STXBP5L: variants seen among roughly 807,000 people sequenced by gnomAD.
The protein encoded by STXBP5L is syntaxin binding protein 5L, also known as syntaxin-binding protein 5-like.
STXBP5L carries 65 observed loss-of-function variants against 144.5 expected under a neutral mutation model. The ratio of observed to expected loss-of-function variants is 0.45; its 90% CI spans 0.37 to 0.55. The LOEUF (loss-of-function observed/expected upper bound fraction) is 0.55. STXBP5L is among the 20% of genes least tolerant of loss of function. The probability of loss-of-function intolerance (pLI) is 0.00; values close to 1 mark genes in which losing one functional copy is unlikely to be tolerated. For missense variants in STXBP5L, 1,298 were observed against 1,405.5 expected (o/e 0.92, Z 1.22); for synonymous variants, 505 against 469.6 (o/e 1.08, Z -0.97).
intron 5 of STXBP5L, among the ~76,000 whole-genome samples, chr3:121,068,946 TAGTAC>T (rs2041676661): frequency 6.6e-6 from 1 of 152,176 alleles, no homozygotes; most frequent in Non-Finnish European, 1.5e-5. Context: ...GTTGCAAAAC[TAGTAC>T]AGAGGTTTTA....
intron 22 of STXBP5L, among the ~76,000 whole-genome samples, chr3:121,388,608 G>A (rs1264898495): frequency 6.6e-6 from 1 of 152,160 alleles, no homozygotes; most frequent in Admixed American, 6.5e-5. Context: ...CTGAAGAGCT[G>A]TTGAATTTTG....
chr3:120,928,639 AGTGTGTGTGTGT>A (rs71133519), intron 2 of STXBP5L, among the ~76,000 whole-genome samples: 111 of 147,260 alleles, frequency 7.5e-4, no homozygotes, highest in African/African-American at 2.1e-3. Context: ...TGGTATACAG[AGTGTGTGTGTGT>A]GTGTGTGTGT....
At chr3:121,164,525 C>T (rs77479076) in intron 9 of STXBP5L, among the ~76,000 whole-genome samples, 178 of 152,202 alleles carry the variant, frequency 1.2e-3, no homozygotes, top group Middle Eastern at 3.4e-3. Flanking sequence ...AGAAACCCAG[C>T]AGTTTCTCTT....
At chr3:121,065,258 G>A (rs1022506575) in intron 5 of STXBP5L, among the ~76,000 whole-genome samples, 4 of 152,158 alleles carry the variant, frequency 2.6e-5, no homozygotes, top group Non-Finnish European at 5.9e-5. Flanking sequence ...TATATACCCA[G>A]TAATGGGATT....
chr3:121,068,434 A>C (rs199677680), intron 5 of STXBP5L, among the ~76,000 whole-genome samples: 1 of 151,934 alleles, frequency 6.6e-6, no homozygotes, highest in Non-Finnish European at 1.5e-5. Flanking sequence ...TTTTACTTAA[A>C]CTTTTTATTA....
chr3:121,338,285 A>T (rs778684173), intron 20 of STXBP5L, among the ~76,000 whole-genome samples: 2 of 152,134 alleles, frequency 1.3e-5, no homozygotes, highest in Non-Finnish European at 2.9e-5. Context: ...CTTTGAAAAA[A>T]TAAAATTGGT....
intron 15 of STXBP5L, 107 bp downstream of exon 15, chr3:121,250,870 A>G: frequency 2.2e-6 from 2 of 903,458 alleles, no homozygotes; most frequent in South Asian, 3.3e-5. Flanking sequence ...TATTTTTAGC[A>G]CACATATGTG....
chr3:121,057,588 T>C (rs1948550098), intron 5 of STXBP5L, among the ~76,000 whole-genome samples: 1 of 152,064 alleles, frequency 6.6e-6, no homozygotes, highest in African/African-American at 2.4e-5. Context: ...ATATAGTTCT[T>C]TGCTTTTGGA....
Position 121,422,653 on chromosome 3 carries a change from T to G in STXBP5L, c.*3556T>G. 6.6e-6 allele frequency: 1 copy of G among 152,116 alleles called. No homozygotes were observed. Among genetic ancestry groups the G allele is most frequent in the Non-Finnish European group, 1.5e-5 (1 of 68,002 alleles). 9.4% of individuals were successfully genotyped at this position (152,116 alleles called of 1,614,324 possible). On this transcript the variant is annotated 3_prime_UTR_variant, in exon 27 of 27. Transcript: ENST00000471454. ...AGGGCCCCAATCATTGTCAAGATCA[T>G]TGTCTAACTGGAACTCTGAAAGGAC... is the stretch of plus-strand genomic sequence containing the variant.
At chr3:121,019,328 T>C (rs1338328818) in intron 3 of STXBP5L, among the ~76,000 whole-genome samples, 1 of 152,128 alleles carries the variant, frequency 6.6e-6, no homozygotes. Context: ...CCTTGGGAGC[T>C]GTATTGGCCT....
intron 5 of STXBP5L, among the ~76,000 whole-genome samples, chr3:121,072,360 G>T (rs1247949574): frequency 6.6e-6 from 1 of 152,248 alleles, no homozygotes; most frequent in East Asian, 1.9e-4. Flanking sequence ...GCCATGGATT[G>T]TTTTGGGCAC....
chr3:121,327,371 G>A (rs912550126), intron 20 of STXBP5L, among the ~76,000 whole-genome samples: 30 of 152,176 alleles, frequency 2.0e-4, no homozygotes, highest in Non-Finnish European at 8.8e-5. Context: ...AATTTGGAAA[G>A]AATGAGTCTA....
At chr3:121,204,929 T>G (rs2048280091) in intron 9 of STXBP5L, among the ~76,000 whole-genome samples, 2 of 152,180 alleles carry the variant, frequency 1.3e-5, no homozygotes, top group African/African-American at 2.4e-5. Flanking sequence ...TATAAGAAAT[T>G]ATCATTTTTG....
chr3:121,057,879 C>T (rs1009536463), intron 5 of STXBP5L, among the ~76,000 whole-genome samples: 3 of 151,906 alleles, frequency 2.0e-5, no homozygotes, highest in Non-Finnish European at 4.4e-5. Flanking sequence ...CTCTATCTTC[C>T]AAATACATAC....
chr3:121,200,069 T>C (rs577709466), intron 9 of STXBP5L, among the ~76,000 whole-genome samples: 1 of 152,200 alleles, frequency 6.6e-6, no homozygotes, highest in Admixed American at 6.5e-5. Context: ...TTCCAGCTCC[T>C]CTTTGTACCT....
At chr3:120,970,230 A>G (rs1012814607) in intron 3 of STXBP5L, among the ~76,000 whole-genome samples, 1 of 152,082 alleles carries the variant, frequency 6.6e-6, no homozygotes, top group Non-Finnish European at 1.5e-5. Flanking sequence ...TTACTTATTC[A>G]AATTACAGTT....
chr3:120,986,790 T>C (rs1043727124), intron 3 of STXBP5L, among the ~76,000 whole-genome samples: 2 of 151,854 alleles, frequency 1.3e-5, no homozygotes, highest in African/African-American at 4.8e-5. Flanking sequence ...AGCTGAAAAT[T>C]ACAATACTTT....
intron 7 of STXBP5L, among the ~76,000 whole-genome samples, chr3:121,138,128 A>G (rs997148653): frequency 2.0e-5 from 3 of 152,154 alleles, no homozygotes; most frequent in Admixed American, 2.0e-4. Context: ...GTATATGCTA[A>G]TAGTAAATTA....
intron 5 of STXBP5L, among the ~76,000 whole-genome samples, chr3:121,071,203 G>A (rs945425329): frequency 2.8e-4 from 42 of 152,146 alleles, no homozygotes; most frequent in African/African-American, 9.7e-4. Flanking sequence ...CACCCTTCTA[G>A]GCAACAAGCT....
Sources: allele counts gnomAD v4.1 joint callset (sites outside exome capture counted in the v4.1 genomes callset), GRCh38; gene constraint gnomAD v4.1.1; transcripts MANE v1.5; gene names NCBI Gene and HGNC (gene_info 2026-07-23, HGNC 2026-07-21).